Variants in ANKS1B observed in about 807,000 individuals in gnomAD.
ANKS1B encodes ankyrin repeat and sterile alpha motif domain-containing protein 1B.
In ANKS1B, 36 loss-of-function variants were observed where a neutral mutation model predicts 148.3. The observed-to-expected ratio is 0.24, with a 90% CI of 0.19 to 0.32. ANKS1B has a LOEUF of 0.32. Ranked by LOEUF, ANKS1B falls within the 10% of genes least tolerant of loss-of-function variation. The pLI, the probability that ANKS1B is intolerant of heterozygous loss-of-function variation, is 1.00. For missense variants in ANKS1B, 1,157 were observed against 1,542.6 expected (o/e 0.75, Z 4.19); for synonymous variants, 542 against 560.8 (o/e 0.97, Z 0.47).
At chr12:99,477,245 G>C (rs2096339143) in intron 10 of ANKS1B, among the ~76,000 whole-genome samples, 1 of 152,150 alleles carries the variant, frequency 6.6e-6, no homozygotes, top group South Asian at 2.1e-4. Flanking sequence ...AGTTATCTTA[G>C]AGGCTTCATA....
chr12:98,959,709 G>A (rs1048865947), intron 17 of ANKS1B, among the ~76,000 whole-genome samples: 8 of 152,168 alleles, frequency 5.3e-5, no homozygotes, highest in African/African-American at 1.7e-4. Context: ...CTAGCTCTTA[G>A]ATGGCATTTC....
intron 9 of ANKS1B, among the ~76,000 whole-genome samples, chr12:99,589,368 T>A (rs967092326): frequency 2.6e-5 from 4 of 152,168 alleles, no homozygotes; most frequent in African/African-American, 9.7e-5. Context: ...TAAACTAAAA[T>A]TATTTCATCT....
chr12:99,570,624 C>T (rs1213711289), intron 9 of ANKS1B, among the ~76,000 whole-genome samples: 1 of 143,146 alleles, frequency 7.0e-6, no homozygotes, highest in African/African-American at 2.6e-5. Flanking sequence ...CCAGCCTGAG[C>T]GACGGAGCGA....
chr12:99,354,949 A>G (rs1032148378), intron 12 of ANKS1B, among the ~76,000 whole-genome samples: 3 of 152,088 alleles, frequency 2.0e-5, no homozygotes, highest in African/African-American at 7.2e-5. Context: ...TTCTTTACAG[A>G]AAAAACACAA....
At chr12:99,905,865 C>T (rs2093759997) in intron 1 of ANKS1B, among the ~76,000 whole-genome samples, 2 of 152,110 alleles carry the variant, frequency 1.3e-5, no homozygotes, top group African/African-American at 4.8e-5. Context: ...AATACAGTCA[C>T]ATTATAAGGT....
chr12:99,497,005 T>C (rs1461798242), intron 10 of ANKS1B, among the ~76,000 whole-genome samples: 1 of 152,160 alleles, frequency 6.6e-6, no homozygotes, highest in Non-Finnish European at 1.5e-5. Flanking sequence ...CCTATATTTG[T>C]TACCTAGGGG....
At chr12:99,780,121 A>ACACACACACGCG (rs1410738842) in intron 5 of ANKS1B, 149 bp from the exon 6 acceptor site, 1 of 620,358 alleles carries the variant, frequency 1.6e-6, no homozygotes, top group East Asian at 2.9e-5. Flanking sequence ...ACACACATAC[A>ACACACACACGCG]CACACACATG....
At chr12:99,430,360 G>A (rs2095348542) in intron 11 of ANKS1B, among the ~76,000 whole-genome samples, 2 of 152,146 alleles carry the variant, frequency 1.3e-5, no homozygotes, top group Admixed American at 1.3e-4. Context: ...AAGAGAAGTA[G>A]AGGAGGAGTC....
intron 10 of ANKS1B, among the ~76,000 whole-genome samples, chr12:99,503,500 C>A (rs752764867): frequency 1.3e-5 from 2 of 152,102 alleles, no homozygotes; most frequent in Non-Finnish European, 2.9e-5. Context: ...CAATACCTTG[C>A]TCTACCAGAA....
chr12:99,768,464 G>A (rs1360129819), intron 8 of ANKS1B, among the ~76,000 whole-genome samples: 2 of 152,098 alleles, frequency 1.3e-5, no homozygotes, highest in African/African-American at 2.4e-5. Flanking sequence ...CAATGTGATG[G>A]TATTAAGGAG....
At chr12:99,543,846 A>G (rs573131138) in intron 9 of ANKS1B, among the ~76,000 whole-genome samples, 1 of 152,292 alleles carries the variant, frequency 6.6e-6, no homozygotes, top group Non-Finnish European at 1.5e-5. Context: ...AGAAAAAAGG[A>G]AGGCCAATAT....
At chr12:99,398,737 C>T (rs2094321909) in intron 12 of ANKS1B, among the ~76,000 whole-genome samples, 1 of 152,072 alleles carries the variant, frequency 6.6e-6, no homozygotes, top group East Asian at 1.9e-4. Context: ...TCATTTTACC[C>T]ATAGCCATCA....
chr12:99,065,060 T>G (rs1565850783), intron 16 of ANKS1B, among the ~76,000 whole-genome samples: 1 of 152,154 alleles, frequency 6.6e-6, no homozygotes, highest in East Asian at 1.9e-4. Context: ...AATAAGGCGC[T>G]GAACAATGTT....
At chr12:98,834,965 G>A (rs947054396) in intron 17 of ANKS1B, among the ~76,000 whole-genome samples, 1 of 151,930 alleles carries the variant, frequency 6.6e-6, no homozygotes, top group Admixed American at 6.6e-5. Flanking sequence ...GGCTTCTATT[G>A]GATATAAATT....
At chr12:99,597,198 T>C (rs914871030) in intron 9 of ANKS1B, among the ~76,000 whole-genome samples, 5 of 151,778 alleles carry the variant, frequency 3.3e-5, no homozygotes, top group Admixed American at 3.3e-4. Context: ...TAGTGGTCGT[T>C]ATAAAAGGTG....
intron 4 of ANKS1B, among the ~76,000 whole-genome samples, chr12:99,797,958 G>T (rs1426822712): frequency 6.6e-6 from 1 of 151,864 alleles, no homozygotes; most frequent in South Asian, 2.1e-4. Context: ...GCTCAGTTGT[G>T]CATTTAAAGG....
In ANKS1B at chr12:99,916,452, C is replaced by T. The variant is rs534982442; in HGVS notation, c.134+67652G>A. Among the ~76,000 whole-genome samples, 3 of 152,262 alleles carry T rather than the reference C, an allele frequency of 2.0e-5. No homozygotes were observed. The East Asian group carries it at 5.8e-4, about 29-fold the overall frequency. On this transcript the variant is annotated intron_variant, in intron 1 of 26. Coordinates refer to ENST00000683438, the MANE Select transcript of ANKS1B (RefSeq NM_001352186.2). ...ATGGAGCCCTGACTCAAGTCCATCT[C>T]ACCATCAGCCCAATGGGTCTCCAGA...
intron 15 of ANKS1B, among the ~76,000 whole-genome samples, chr12:99,086,738 C>T (rs1197093915): frequency 6.6e-6 from 1 of 152,152 alleles, no homozygotes; most frequent in Non-Finnish European, 1.5e-5. Context: ...GTTTGTAAGA[C>T]AGAGTTTCTC....
chr12:98,738,567 T>C (rs1484672217), intron 9 of ANKS1B, among the ~76,000 whole-genome samples: 1 of 152,242 alleles, frequency 6.6e-6, no homozygotes, highest in African/African-American at 2.4e-5. Context: ...TGAGTGGATC[T>C]GCAGACTGCA....
Sources: gnomAD v4.1 joint callset for allele counts (sites outside exome capture counted in the v4.1 genomes callset) on GRCh38, gnomAD v4.1.1 for gene constraint, MANE v1.5 for transcripts, NCBI Gene and HGNC (gene_info 2026-07-23, HGNC 2026-07-21) for gene names.